Variants in WWTR1 observed in about 807,000 individuals in gnomAD.
WWTR1 encodes WW domain containing transcription regulator 1.
Under a neutral mutation model 40.1 loss-of-function variants are expected in WWTR1, and 13 were observed. The ratio of observed to expected loss-of-function variants is 0.32; its 90% CI spans 0.21 to 0.52. The LOEUF (loss-of-function observed/expected upper bound fraction) is 0.52. Among genes scored for constraint, WWTR1 ranks in the 20% least tolerant of loss-of-function variants. The pLI is 0.97. For missense variants in WWTR1, 436 were observed against 523.1 expected (o/e 0.83, Z 1.63); for synonymous variants, 230 against 210.1 (o/e 1.09, Z -0.82).
chr3:149,654,145 C>CA (rs1713064416), intron 2 of WWTR1, among the ~76,000 whole-genome samples: 1 of 150,070 alleles, frequency 6.7e-6, no homozygotes, highest in Non-Finnish European at 1.5e-5. Flanking sequence ...AAAAATGTAT[C>CA]TGCTAGCCTC....
At chr3:149,646,258 TG>T (rs1712522233) in intron 2 of WWTR1, among the ~76,000 whole-genome samples, 1 of 152,226 alleles carries the variant, frequency 6.6e-6, no homozygotes, top group Non-Finnish European at 1.5e-5. Context: ...TCAAACTATC[TG>T]TGGTGAAGGA....
At chr3:149,536,680 C>T (rs934586) in intron 4 of WWTR1, among the ~76,000 whole-genome samples, 145,638 of 151,422 alleles carry the variant, frequency 0.96, 70,059 homozygotes, top group East Asian at 1. Flanking sequence ...CCCTGTTGCC[C>T]CGGCGACCCG....
chr3:149,656,922 C>A lies in WWTR1; in HGVS notation c.385G>T (p.Gly129Cys). ...DVTDELPLPPGWEMTFTATGQ... is the reference protein window; with the variant it reads ...DVTDELPLPPCWEMTFTATGQ... ...GTGGCCGTGAAGGTCATCTCCCAGC[C>A]CGGGGGCAGTGGCAGCTCGTCGGTC... The change falls in exon 2 of 7, where the codon GGC becomes TGC. Residue 129 changes from glycine to cysteine, a missense_variant. Transcript: ENST00000360632. The A allele has an allele frequency of 6.4e-7, 1 of 1,562,788 alleles. No homozygotes were observed. Among genetic ancestry groups the A allele is most frequent in the Non-Finnish European group, 8.6e-7 (1 of 1,158,938 alleles).
At chr3:149,634,243 C>G (rs1236260192) in intron 2 of WWTR1, among the ~76,000 whole-genome samples, 1 of 152,136 alleles carries the variant, frequency 6.6e-6, no homozygotes, top group African/African-American at 2.4e-5. Context: ...TCCTTAAATG[C>G]CCTGTACATC....
rs932506729 is a variant in WWTR1 at position 149,666,197 on chromosome 3, G to A, written c.-4+3591C>T. 2.7e-5 allele frequency among the ~76,000 whole-genome samples: 4 copies of A among 146,698 alleles called. No individual in the cohort carries two copies. The South Asian group carries it at 6.3e-4, about 23-fold the overall frequency. ...TTGGTGACAAGAGTCAAGTATATAT[G>A]GGCTCTACTATTATCTCTCTGTCTC... On this transcript the variant is annotated intron_variant, in intron 2 of 7. Coordinates refer to the WWTR1 transcript ENST00000465804.
At position 149,520,101 on chromosome 3, in the gene WWTR1, C is replaced by A. The variant is rs6778479; in HGVS notation, c.*704G>T. The A allele has an allele frequency of 0.94, 142,925 of 152,304 alleles. 67,116 individuals are homozygous for A. The highest frequency in any genetic ancestry group is 1 in the East Asian group (5,179 of 5,186). 9.4% of individuals were successfully genotyped at this position (152,304 alleles called of 1,614,324 possible). ...CTTTCACAAGATCTGTAGTGTAAGACCTGTGACTAATGCTGCTGCTGCTAC... is the reference window on the plus strand; with the variant it reads ...CTTTCACAAGATCTGTAGTGTAAGAACTGTGACTAATGCTGCTGCTGCTAC... On this transcript the variant is annotated 3_prime_UTR_variant, in exon 7 of 7. Coordinates refer to ENST00000360632, the MANE Select transcript of WWTR1 (RefSeq NM_015472.6).
chr3:149,724,567 T>C (rs1401302812), intron 3 of WWTR1: 1 of 151,240 alleles, frequency 6.6e-6, no homozygotes, highest in Non-Finnish European at 1.5e-5. Context: ...CCATGGACCA[T>C]AACCCTAGAA....
intron 2 of WWTR1, among the ~76,000 whole-genome samples, chr3:149,609,951 C>A (rs1739656000): frequency 6.6e-6 from 1 of 152,214 alleles, no homozygotes. Context: ...TCTTCATTCA[C>A]AGGGGTTCTG....
At chr3:149,692,330 A>T (rs878894173) in intron 1 of WWTR1, among the ~76,000 whole-genome samples, 1 of 152,234 alleles carries the variant, frequency 6.6e-6, no homozygotes, top group Admixed American at 6.5e-5. Context: ...TATCTCAAGG[A>T]TGCAAGAATG....
chr3:149,675,105 T>C (rs1714220483), intron 1 of WWTR1, among the ~76,000 whole-genome samples: 1 of 152,168 alleles, frequency 6.6e-6, no homozygotes, highest in Non-Finnish European at 1.5e-5. Flanking sequence ...CTTCTTTTGA[T>C]TTTCCCCTTT....
chr3:149,546,575 G>A (rs540948919), intron 3 of WWTR1, among the ~76,000 whole-genome samples: 114 of 152,378 alleles, frequency 7.5e-4, no homozygotes, highest in African/African-American at 2.7e-3. Flanking sequence ...CACCTCGGCA[G>A]AAGAAACTGG....
rs1278018515 is a variant in WWTR1 at position 149,657,019 on chromosome 3, C to G, written c.288G>C (p.Leu96=). The part of the protein sequence containing the change: ...RSHSSPASLQ[L]GTGAGAAGSP... The stretch of plus-strand genomic sequence containing the variant: ...TACCCGCAGCACCCGCGCCGGTGCC[C>G]AGCTGCAGGGACGCGGGCGACGAGT... Residue 96 remains leucine, a synonymous_variant, in exon 2 of 7, where the codon CTG becomes CTC. Transcript: ENST00000360632. 3 of 1,594,916 alleles carry G rather than the reference C, an allele frequency of 1.9e-6. No individual in the cohort carries two copies. In the African/African-American group the frequency reaches 4.0e-5, roughly 21 times the overall value.
At chr3:149,619,019 A>G (rs905881012) in intron 2 of WWTR1, among the ~76,000 whole-genome samples, 1 of 152,228 alleles carries the variant, frequency 6.6e-6, no homozygotes, top group Non-Finnish European at 1.5e-5. Flanking sequence ...TAAACGTGCC[A>G]TTCTGTCATG....
intron 2 of WWTR1, among the ~76,000 whole-genome samples, chr3:149,634,733 C>T (rs1384176212): frequency 6.6e-6 from 1 of 152,252 alleles, no homozygotes; most frequent in Admixed American, 6.5e-5. Context: ...TGCAAGGCAG[C>T]CAGTGACCCA....
chr3:149,667,971 T>TA (rs1418699838), intron 2 of WWTR1, among the ~76,000 whole-genome samples: 3 of 152,348 alleles, frequency 2.0e-5, no homozygotes, highest in African/African-American at 7.2e-5. Flanking sequence ...GTCACCTTCC[T>TA]AAAAAATTCT....
At chr3:149,540,395 TG>T in intron 4 of WWTR1, 1 of 407,942 alleles carries the variant, frequency 2.5e-6, no homozygotes, top group Non-Finnish European at 4.9e-6. Flanking sequence ...ATACTTTCTG[TG>T]GGAAAGAAGG....
At chr3:149,563,669 C>T (rs762039346) in intron 3 of WWTR1, among the ~76,000 whole-genome samples, 1 of 152,188 alleles carries the variant, frequency 6.6e-6, no homozygotes, top group Non-Finnish European at 1.5e-5. Context: ...AAAGACTGAA[C>T]GATTGAGTAG....
At chr3:149,640,010 A>AAAAAGAAAG (rs1553802828) in intron 2 of WWTR1, among the ~76,000 whole-genome samples, 65 of 140,410 alleles carry the variant, frequency 4.6e-4, no homozygotes, top group African/African-American at 1.2e-3. Context: ...AAAAAAAAAA[A>AAAAAGAAAG]AAAGAAAGAA....
chr3:149,719,469 C>T (rs1715704388), intron 4 of WWTR1, among the ~76,000 whole-genome samples: 2 of 152,144 alleles, frequency 1.3e-5, no homozygotes. Flanking sequence ...TGTGCCCAGC[C>T]TTAAGGCTGA....
Sources: gnomAD v4.1 joint callset for allele counts (sites outside exome capture counted in the v4.1 genomes callset) on GRCh38, gnomAD v4.1.1 for gene constraint, MANE v1.5 for transcripts, NCBI Gene and HGNC (gene_info 2026-07-23, HGNC 2026-07-21) for gene names.